The following ARHGEF3 variants were observed in gnomAD, a reference collection of about 807,000 sequenced individuals.
ARHGEF3 encodes 59.8 kDA protein.
In ARHGEF3, 28 loss-of-function variants were observed where a neutral mutation model predicts 63.2. The observed-to-expected ratio is 0.44, with a 90% CI of 0.33 to 0.61. The LOEUF (loss-of-function observed/expected upper bound fraction) is 0.61, where lower values mean the gene tolerates loss of function less well. ARHGEF3 is among the 20% of genes least tolerant of loss of function. The pLI, the probability that ARHGEF3 is intolerant of heterozygous loss-of-function variation, is 0.03. For missense variants in ARHGEF3, 533 were observed against 659.3 expected, an observed-to-expected ratio of 0.81 and a Z score of 2.10; for synonymous variants, 266 against 254.2, an observed-to-expected ratio of 1.05 and a Z score of -0.44.
intron 4 of ARHGEF3, among the ~76,000 whole-genome samples, chr3:56,848,967 C>A (rs62249816): frequency 0.085 from 12,922 of 152,260 alleles, 796 homozygotes; most frequent in Admixed American, 0.21. Flanking sequence ...CCGCACCTGG[C>A]CCCACTGAGG....
chr3:56,802,171 G>C (rs945547410), upstream of ARHGEF3, among the ~76,000 whole-genome samples: 3 of 152,216 alleles, frequency 2.0e-5, no homozygotes, highest in African/African-American at 7.2e-5. Flanking sequence ...CAGAGCGTGG[G>C]CCGCGATTGC....
intron 1 of ARHGEF3, chr3:57,060,816 A>T (rs1345860387): frequency 1.8e-5 from 1 of 54,462 alleles, no homozygotes; most frequent in African/African-American, 6.8e-5. Flanking sequence ...CCCCACCCCC[A>T]CCCCGAAACA....
intron 1 of ARHGEF3, among the ~76,000 whole-genome samples, chr3:57,042,694 A>ATG (rs1340824293): frequency 9.6e-5 from 4 of 41,884 alleles, no homozygotes; most frequent in African/African-American, 3.2e-4. Flanking sequence ...ATATATATAT[A>ATG]TATATATTTT....
intron 1 of ARHGEF3, among the ~76,000 whole-genome samples, chr3:57,036,356 G>A (rs1703962467): frequency 6.6e-6 from 1 of 152,094 alleles, no homozygotes; most frequent in South Asian, 2.1e-4. Flanking sequence ...TTTAGGTAAG[G>A]ATTCAAGCAG....
At position 56,754,710 on chromosome 3, in the gene ARHGEF3, T is replaced by C. The variant is rs532773809; in HGVS notation, c.375+271A>G. Among the ~76,000 whole-genome samples the C allele has an allele frequency of 2.0e-5, 3 of 152,356 alleles. No individual in the cohort carries two copies. In the East Asian group the frequency reaches 5.8e-4, roughly 29 times the overall value. Reference sequence around the variant, plus strand: ...CAAAATATAACTAAAATGATTATTTTTGTGAACTTCAGAATCCTAAATAGA... The same window carrying C: ...CAAAATATAACTAAAATGATTATTTCTGTGAACTTCAGAATCCTAAATAGA... On this transcript the variant is annotated intron_variant, in intron 3 of 9. Transcript: ENST00000296315.
chr3:57,001,485 T>C (rs766544888), intron 2 of ARHGEF3, among the ~76,000 whole-genome samples: 2 of 152,216 alleles, frequency 1.3e-5, no homozygotes, highest in Non-Finnish European at 2.9e-5. Context: ...CTTTTGTCCT[T>C]TTTAACAGAA....
At chr3:57,044,337 C>T (rs913734447) in intron 1 of ARHGEF3, among the ~76,000 whole-genome samples, 3 of 152,222 alleles carry the variant, frequency 2.0e-5, no homozygotes, top group Non-Finnish European at 2.9e-5. Flanking sequence ...GTTGGCCATT[C>T]GAGAATCACA....
chr3:56,800,751 G>A (rs2037606836), intron 1 of ARHGEF3, among the ~76,000 whole-genome samples: 1 of 152,204 alleles, frequency 6.6e-6, no homozygotes, highest in African/African-American at 2.4e-5. Flanking sequence ...AGAGTGAGGT[G>A]TGGGAGAGTG....
intron 3 of ARHGEF3, among the ~76,000 whole-genome samples, chr3:56,941,212 CAT>C (rs1699163721): frequency 6.6e-6 from 1 of 152,160 alleles, no homozygotes; most frequent in African/African-American, 2.4e-5. Context: ...AGCCACAGCA[CAT>C]GTTCTGTTTT....
At chr3:56,927,771 A>C (rs983447491) in intron 3 of ARHGEF3, among the ~76,000 whole-genome samples, 1 of 151,980 alleles carries the variant, frequency 6.6e-6, no homozygotes, top group Non-Finnish European at 1.5e-5. Context: ...CATAAAAAAC[A>C]AACAAACAAA....
At chr3:56,936,162 G>C (rs561715334) in intron 3 of ARHGEF3, among the ~76,000 whole-genome samples, 2 of 152,246 alleles carry the variant, frequency 1.3e-5, no homozygotes, top group South Asian at 4.2e-4. Context: ...TAAGCTGTAG[G>C]AGAGCGAGCT....
chr3:57,021,224 A>G (rs1173073870), intron 2 of ARHGEF3, among the ~76,000 whole-genome samples: 1 of 152,278 alleles, frequency 6.6e-6, no homozygotes, highest in Non-Finnish European at 1.5e-5. Flanking sequence ...ATCTCATTAC[A>G]GAGTCAAAAG....
intron 7 of ARHGEF3, among the ~76,000 whole-genome samples, chr3:56,738,582 C>T (rs886097510): frequency 6.6e-6 from 1 of 152,194 alleles, no homozygotes; most frequent in African/African-American, 2.4e-5. Flanking sequence ...AATACACTCA[C>T]ACCCAGGATC....
intron 4 of ARHGEF3, among the ~76,000 whole-genome samples, chr3:56,840,253 C>T (rs2108107006): frequency 6.6e-6 from 1 of 152,292 alleles, no homozygotes; most frequent in African/African-American, 2.4e-5. Flanking sequence ...GGAAAAAACA[C>T]CCCCATTTAG....
intron 1 of ARHGEF3, among the ~76,000 whole-genome samples, chr3:57,072,353 G>A (rs908483735): frequency 3.3e-5 from 5 of 151,946 alleles, no homozygotes; most frequent in African/African-American, 1.2e-4. Context: ...TAAAAGAGAG[G>A]AGAAATGTAT....
At chr3:56,961,014 C>T (rs138925200) in intron 2 of ARHGEF3, among the ~76,000 whole-genome samples, 1 of 152,216 alleles carries the variant, frequency 6.6e-6, no homozygotes, top group African/African-American at 2.4e-5. Flanking sequence ...TTACATGTTG[C>T]AATCCACAGA....
At chr3:57,071,659 C>CA (rs34281617) in intron 1 of ARHGEF3, among the ~76,000 whole-genome samples, 22,565 of 124,796 alleles carry the variant, frequency 0.18, 1,948 homozygotes, top group Middle Eastern at 0.23. Context: ...AACTCCATCT[C>CA]AAAAAAAAAA....
chr3:56,759,778 T>G (rs2035315802), intron 2 of ARHGEF3, among the ~76,000 whole-genome samples: 1 of 151,526 alleles, frequency 6.6e-6, no homozygotes, highest in Non-Finnish European at 1.5e-5. Flanking sequence ...ACTTCTGGTC[T>G]CAAGAGATCC....
At chr3:56,900,996 T>A (rs1366191004) in intron 3 of ARHGEF3, among the ~76,000 whole-genome samples, 1 of 152,202 alleles carries the variant, frequency 6.6e-6, no homozygotes, top group Non-Finnish European at 1.5e-5. Flanking sequence ...TGACATTATG[T>A]GGCCAAAGAA....
Sources: allele counts gnomAD v4.1 joint callset (sites outside exome capture counted in the v4.1 genomes callset), GRCh38; gene constraint gnomAD v4.1.1; transcripts MANE v1.5; gene names NCBI Gene and HGNC (gene_info 2026-07-23, HGNC 2026-07-21).